Variants in TTC21B observed in about 807,000 individuals in gnomAD.
TTC21B encodes tetratricopeptide repeat protein 21B.
Under a neutral mutation model 175.1 loss-of-function variants are expected in TTC21B, and 127 were observed. The ratio of observed to expected loss-of-function variants is 0.73; its 90% CI spans 0.63 to 0.84. TTC21B has a LOEUF of 0.84. TTC21B is among the 40% of genes least tolerant of loss of function. The probability of loss-of-function intolerance (pLI) is 0.00; values close to 1 mark genes in which losing one functional copy is unlikely to be tolerated. For synonymous variants in TTC21B, 524 were observed against 524.5 expected (o/e 1.00, Z 0.01); for missense variants, 1,561 against 1,558.3 (o/e 1.00, Z -0.03).
chr2:165,897,817 A>G (rs1685420348), intron 22 of TTC21B, among the ~76,000 whole-genome samples: 1 of 152,218 alleles, frequency 6.6e-6, no homozygotes, highest in Non-Finnish European at 1.5e-5. Context: ...ATGGGGCAAA[A>G]GAAGAACTGA....
intron 26 of TTC21B, 23 bp downstream of exon 26, chr2:165,883,771 T>G (rs1559038118): frequency 6.3e-7 from 1 of 1,575,938 alleles, no homozygotes; most frequent in Non-Finnish European, 8.7e-7. Context: ...TCAATAATTA[T>G]TTTTTACTCT....
intron 25 of TTC21B, among the ~76,000 whole-genome samples, chr2:165,884,648 G>A (rs984908001): frequency 6.6e-6 from 1 of 152,186 alleles, no homozygotes; most frequent in African/African-American, 2.4e-5. Context: ...TAGATTTGGA[G>A]TCTGCAGCTT....
At chr2:165,884,905 C>T (rs1410600926) in intron 25 of TTC21B, among the ~76,000 whole-genome samples, 4 of 152,150 alleles carry the variant, frequency 2.6e-5, no homozygotes, top group African/African-American at 9.7e-5. Flanking sequence ...AATAAAGGGG[C>T]CAGGAGGGCA....
intron 22 of TTC21B, 94 bp downstream of exon 22, chr2:165,898,592 C>T (rs1311087717): frequency 1.3e-5 from 11 of 819,398 alleles, no homozygotes; most frequent in Middle Eastern, 2.2e-4. Context: ...CAACTAGGGA[C>T]GGAGTTTGCC....
In TTC21B at chr2:165,923,584, A is replaced by G. The variant is rs973091756; in HGVS notation, c.1516+965T>C. 2.8e-5 allele frequency among the ~76,000 whole-genome samples: 4 copies of G among 144,834 alleles called. No individual in the cohort carries two copies. In the South Asian group the frequency reaches 9.3e-4, roughly 34 times the overall value. On this transcript the variant is annotated intron_variant, in intron 12 of 28. Coordinates refer to ENST00000243344, the MANE Select transcript of TTC21B (RefSeq NM_024753.5). ...CTCAGCCTCCCGAGTAGCTGGGACTATAGGCGCCTGCCACCATGCCTGGCT... is the reference window on the plus strand; with the variant it reads ...CTCAGCCTCCCGAGTAGCTGGGACTGTAGGCGCCTGCCACCATGCCTGGCT...
rs537001637 is a variant in TTC21B at position 165,898,845 on chromosome 2, T to C, written c.2869-78A>G. On this transcript the variant is annotated intron_variant, in intron 21 of 28. Coordinates refer to ENST00000243344, the MANE Select transcript of TTC21B (RefSeq NM_024753.5). ...TGTTCTTCCAATCAAGATTTAGCAC[T>C]AGAAAAATATAGATGATAAACATGA... 4.6e-6 allele frequency: 4 copies of C among 866,690 alleles called. No homozygotes were observed. The African/African-American group carries it at 5.0e-5, about 11-fold the overall frequency. 53.7% of individuals were successfully genotyped at this position (866,690 alleles called of 1,614,324 possible).
rs376624832 is a variant in TTC21B, at chr2:165,910,286, C to T, written c.2461+1041G>A. On this transcript the variant is annotated intron_variant, in intron 18 of 28. Coordinates refer to ENST00000243344, the MANE Select transcript of TTC21B (RefSeq NM_024753.5). ...GGCGTGGTGGCAGGGGCCTGTAGTCCCAGCTACTAGGGAGGCTGAGGCAGG... is the reference window on the plus strand; with the variant it reads ...GGCGTGGTGGCAGGGGCCTGTAGTCTCAGCTACTAGGGAGGCTGAGGCAGG... Among the ~76,000 whole-genome samples the T allele has an allele frequency of 1.3e-3, 199 of 152,122 alleles. 1 individual carries two copies. The highest frequency in any genetic ancestry group is 4.6e-3 in the African/African-American group (189 of 41,502).
chr2:165,928,652 T>C (rs971629039), intron 11 of TTC21B: 1 of 162,556 alleles, frequency 6.2e-6, no homozygotes. Context: ...TCTAAGCAAC[T>C]GGACTTGCCC....
Position 165,883,972 on chromosome 2 carries a change from A to G in TTC21B, c.3506T>C (p.Ile1169Thr). 6.2e-7 allele frequency: 1 copy of G among 1,614,110 alleles called. No homozygotes were observed. Among genetic ancestry groups the G allele is most frequent in the Non-Finnish European group, 8.5e-7 (1 of 1,179,988 alleles). The change falls in exon 26 of 29, where the codon ATC (isoleucine) becomes ACC (threonine). Residue 1169 changes from isoleucine (I) to threonine (T), a missense_variant. Ile to Thr is a moderately conservative substitution (Grantham distance 89). Coordinates refer to ENST00000243344, the MANE Select transcript of TTC21B (RefSeq NM_024753.5). ...TCTGGCTCGTGGAGTCTGTTTCAAGATCATATAAGCCGTTGCCATTCCCAA... is the reference window on the plus strand; with the variant it reads ...TCTGGCTCGTGGAGTCTGTTTCAAGGTCATATAAGCCGTTGCCATTCCCAA... ...ALLGMATAYM[I>T]LKQTPRARNQ...
chr2:165,933,145 C>A, intron 6 of TTC21B, 88 bp from the exon 7 acceptor site: 1 of 1,033,438 alleles, frequency 9.7e-7, no homozygotes, highest in South Asian at 1.3e-5. Context: ...GCTTGCCTCA[C>A]TATTCCACTG....
chr2:165,893,234 C>T (rs767555665), intron 22 of TTC21B, among the ~76,000 whole-genome samples: 62 of 152,022 alleles, frequency 4.1e-4, no homozygotes, highest in Non-Finnish European at 8.2e-4. Context: ...TTATAAATTA[C>T]AAATGTTATT....
chr2:165,879,433 G>C (rs2105279494), intron 27 of TTC21B, among the ~76,000 whole-genome samples: 1 of 152,280 alleles, frequency 6.6e-6, no homozygotes, highest in East Asian at 1.9e-4. Flanking sequence ...TATAGTATGA[G>C]AACAGACTCC....
At position 165,901,480 on chromosome 2, in the gene TTC21B, C is replaced by T. The variant is rs575907764; in HGVS notation, c.2757+242G>A. On this transcript the variant is annotated intron_variant, in intron 20 of 28. Transcript: ENST00000243344. Reference sequence around the variant, plus strand: ...GGATTACAGGAGGCGCCCCCCACCACGCTGGCTAATTTTTGTATTTTCAGT... The same window carrying T: ...GGATTACAGGAGGCGCCCCCCACCATGCTGGCTAATTTTTGTATTTTCAGT... 3.1e-4 allele frequency among the ~76,000 whole-genome samples: 47 copies of T among 152,056 alleles called. 1 individual carries two copies. In the South Asian group the frequency reaches 7.5e-3, roughly 24 times the overall value.
At chr2:165,886,822 C>G (rs1250064334) in intron 25 of TTC21B, among the ~76,000 whole-genome samples, 3 of 152,176 alleles carry the variant, frequency 2.0e-5, no homozygotes, top group Admixed American at 2.0e-4. Flanking sequence ...TGGCACCTGA[C>G]ATGAGAAGCG....
At chr2:165,920,947 GTCTT>G (rs1345089292) in intron 12 of TTC21B, among the ~76,000 whole-genome samples, 3 of 152,100 alleles carry the variant, frequency 2.0e-5, no homozygotes, top group African/African-American at 7.2e-5. Context: ...CTGTCTGTCT[GTCTT>G]TGTCAGAATT....
chr2:165,936,911 A>G (rs1233392649), intron 6 of TTC21B, among the ~76,000 whole-genome samples: 1 of 151,952 alleles, frequency 6.6e-6, no homozygotes, highest in African/African-American at 2.4e-5. Flanking sequence ...AAAACTAAAT[A>G]TACTCCTACC....
In TTC21B at chr2:165,896,379, G is replaced by T. The variant is rs554036399; in HGVS notation, c.2950+2307C>A. Among the ~76,000 whole-genome samples, 11 of 151,850 alleles carry T rather than the reference G, an allele frequency of 7.2e-5. No individual in the cohort carries two copies. The South Asian group carries it at 2.3e-3, about 32-fold the overall frequency. Reference sequence around the variant, plus strand: ...CTAGTATTTGTTGAGTACTAACTAGGCCAGATATTCTTCTAAATTCTGGAA... The same window carrying T: ...CTAGTATTTGTTGAGTACTAACTAGTCCAGATATTCTTCTAAATTCTGGAA... On this transcript the variant is annotated intron_variant, in intron 22 of 28. Coordinates refer to ENST00000243344, the MANE Select transcript of TTC21B (RefSeq NM_024753.5).
At chr2:165,943,044 T>C (rs928881777) in intron 5 of TTC21B, among the ~76,000 whole-genome samples, 175 bp downstream of exon 5, 5 of 152,208 alleles carry the variant, frequency 3.3e-5, no homozygotes, top group African/African-American at 1.2e-4. Context: ...AGGGAATACA[T>C]TTCTCTAGTG....
chr2:165,875,948 A>G (rs527488004), intron 28 of TTC21B, among the ~76,000 whole-genome samples: 111 of 152,140 alleles, frequency 7.3e-4, no homozygotes, highest in African/African-American at 2.6e-3. Flanking sequence ...ATTGACATAA[A>G]CATTTTATTA....
Sources: allele counts gnomAD v4.1 joint callset (sites outside exome capture counted in the v4.1 genomes callset), GRCh38; gene constraint gnomAD v4.1.1; transcripts MANE v1.5; gene names NCBI Gene and HGNC (gene_info 2026-07-23, HGNC 2026-07-21).